The following CRYBG1 variants were observed in gnomAD, a reference collection of about 807,000 sequenced individuals.
CRYBG1 encodes the protein crystallin beta-gamma domain containing 1, also known as beta/gamma crystallin domain-containing protein 1.
A neutral mutation model predicts 189.2 loss-of-function variants in CRYBG1; 139 were observed. That is an observed-to-expected ratio of 0.73 (90% confidence interval 0.64 to 0.85). The LOEUF (loss-of-function observed/expected upper bound fraction) is 0.85. CRYBG1 is among the 40% of genes least tolerant of loss of function. CRYBG1 has a pLI of 0.00. For synonymous variants in CRYBG1, 1,023 were observed against 1,017.1 expected (o/e 1.01, Z -0.11); for missense variants, 2,611 against 2,675.8 (o/e 0.98, Z 0.53).
intron 11 of CRYBG1, among the ~76,000 whole-genome samples, 165 bp downstream of exon 11, chr6:106,543,762 C>G (rs1774194352): frequency 6.6e-6 from 1 of 152,014 alleles, no homozygotes; most frequent in Admixed American, 6.6e-5. Flanking sequence ...TTTAAGAAAG[C>G]AGTTTGAGGC....
intron 2 of CRYBG1, among the ~76,000 whole-genome samples, chr6:106,499,315 G>A (rs1772946183): frequency 7.2e-6 from 1 of 139,452 alleles, no homozygotes; most frequent in Non-Finnish European, 1.5e-5. Context: ...ACCACACCCG[G>A]CTAATTTTTT....
intron 1 of CRYBG1, among the ~76,000 whole-genome samples, chr6:106,439,533 A>G (rs1453487033): frequency 6.6e-6 from 1 of 152,224 alleles, no homozygotes; most frequent in Non-Finnish European, 1.5e-5. Context: ...AGGAATAAAA[A>G]TCTCCTGTGA....
At chr6:106,480,729 T>C (rs916354857) in intron 2 of CRYBG1, among the ~76,000 whole-genome samples, 6 of 151,336 alleles carry the variant, frequency 4.0e-5, no homozygotes, top group Non-Finnish European at 8.8e-5. Flanking sequence ...CCCAGCATGT[T>C]GGGAGGCTGA....
At chr6:106,494,514 A>G (rs1166297151) in intron 2 of CRYBG1, among the ~76,000 whole-genome samples, 1 of 152,208 alleles carries the variant, frequency 6.6e-6, no homozygotes. Context: ...TCATGATGAA[A>G]GAAAGAGGAG....
intron 1 of CRYBG1, among the ~76,000 whole-genome samples, chr6:106,434,093 G>T (rs780933333): frequency 6.6e-6 from 1 of 151,792 alleles, no homozygotes; most frequent in African/African-American, 2.4e-5. Flanking sequence ...TTATCAGAAG[G>T]CCTCAGTTCC....
Position 106,521,139 on chromosome 6 carries a change from G to A in CRYBG1, c.3931G>A (p.Val1311Ile), listed in dbSNP as rs1773598198. ...TCTTCTGCCCGACAACTCCTTAAAG[G>A]TCTTCAATTTCAACTCGTCAAGTAC... ...SNLLPDNSLK[V>I]FNFNSSSTSH... The change falls in exon 4 of 22, where the codon GTC becomes ATC. Residue 1311 changes from valine (V) to isoleucine (I), a missense_variant. Physicochemically the swap from Val to Ile is conservative, Grantham distance 29. Transcript: ENST00000633556. 2 of 1,613,942 alleles carry A rather than the reference G, an allele frequency of 1.2e-6. No homozygotes were observed. The highest frequency in any genetic ancestry group is 1.7e-6 in the Non-Finnish European group (2 of 1,180,028).
At chr6:106,495,246 C>G (rs955923299) in intron 2 of CRYBG1, among the ~76,000 whole-genome samples, 1 of 152,016 alleles carries the variant, frequency 6.6e-6, no homozygotes, top group Non-Finnish European at 1.5e-5. Context: ...GCAGCACTGC[C>G]GAAGGTGAGC....
At chr6:106,409,360 A>G (rs1045368627) in intron 1 of CRYBG1, among the ~76,000 whole-genome samples, 3 of 152,220 alleles carry the variant, frequency 2.0e-5, no homozygotes, top group African/African-American at 7.2e-5. Context: ...CCACTGCTCA[A>G]GGAAATAAGA....
At chr6:106,524,005 T>C (rs189424827) in intron 4 of CRYBG1, among the ~76,000 whole-genome samples, 2 of 152,134 alleles carry the variant, frequency 1.3e-5, no homozygotes, top group African/African-American at 2.4e-5. Context: ...GTGCTGGGAT[T>C]ACAGGTGTGA....
chr6:106,557,656 C>A (rs189983893), intron 17 of CRYBG1, among the ~76,000 whole-genome samples: 116 of 152,142 alleles, frequency 7.6e-4, no homozygotes, highest in African/African-American at 2.7e-3. Context: ...TGATCTCAAA[C>A]TCCTGACCTC....
chr6:106,568,419 A>C, intron 21 of CRYBG1, 53 bp from the exon 22 acceptor site: 1 of 1,399,300 alleles, frequency 7.1e-7, no homozygotes, highest in Non-Finnish European at 1.0e-6. Context: ...TGTGTCTGCT[A>C]TAGACCCTTC....
Position 106,512,593 on chromosome 6 carries a change from C to G in CRYBG1, c.1476C>G (p.Thr492=), listed in dbSNP as rs772497410. 1.2e-6 allele frequency: 2 copies of G among 1,604,762 alleles called. No individual in the cohort carries two copies. Among genetic ancestry groups the G allele is most frequent in the Non-Finnish European group, 1.7e-6 (2 of 1,176,438 alleles). Residue 492 remains threonine (T), a synonymous_variant, in exon 3 of 22, where the codon ACC becomes ACG. Coordinates refer to ENST00000633556, the MANE Select transcript of CRYBG1 (RefSeq NM_001371242.2). ...CAGAGTCCAAGCCCAGCCCCGGTAC[C>G]AAAGGGCAGCTCCGAGGGGAGTCGG... The part of the protein sequence containing the change: ...ASPESKPSPG[T]KGQLRGESDR...
chr6:106,387,458 G>A (rs955068217), intron 1 of CRYBG1, among the ~76,000 whole-genome samples: 13 of 152,266 alleles, frequency 8.5e-5, no homozygotes, highest in Admixed American at 5.9e-4. Context: ...ACTCACAGCC[G>A]ATTCCTACAG....
chr6:106,472,488 A>G (rs910054920), intron 2 of CRYBG1, among the ~76,000 whole-genome samples: 1 of 152,032 alleles, frequency 6.6e-6, no homozygotes, highest in Non-Finnish European at 1.5e-5. Context: ...TATTTTTTAA[A>G]AAACAGTACA....
intron 1 of CRYBG1, among the ~76,000 whole-genome samples, chr6:106,387,283 C>A (rs112977119): frequency 2.7e-5 from 4 of 147,596 alleles, no homozygotes. Context: ...AATCTTTGAA[C>A]TCTGAATGGA....
intron 1 of CRYBG1, among the ~76,000 whole-genome samples, chr6:106,377,642 TA>T (rs1770197343): frequency 2.1e-5 from 3 of 144,696 alleles, no homozygotes; most frequent in East Asian, 3.9e-4. Context: ...TATATATATA[TA>T]TATATTTTCA....
At chr6:106,476,516 C>T (rs111285900) in intron 2 of CRYBG1, among the ~76,000 whole-genome samples, 2 of 152,254 alleles carry the variant, frequency 1.3e-5, no homozygotes, top group African/African-American at 4.8e-5. Flanking sequence ...GGTTAAATTT[C>T]CTGGCAGCTA....
At chr6:106,392,870 G>C (rs963707024) in intron 1 of CRYBG1, among the ~76,000 whole-genome samples, 9 of 152,114 alleles carry the variant, frequency 5.9e-5, no homozygotes, top group South Asian at 2.1e-4. Context: ...CGCCTTCTGG[G>C]TTCAAGTGAT....
Position 106,512,616 on chromosome 6 carries a change from C to A in CRYBG1, c.1499C>A (p.Ser500Ter). 1 of 1,599,818 alleles carries A rather than the reference C, an allele frequency of 6.3e-7. No homozygotes were observed. The highest frequency in any genetic ancestry group is 8.5e-7 in the Non-Finnish European group (1 of 1,174,250). The change falls in exon 3 of 22, where the codon TCG becomes TAG. Residue 500 changes from serine (S) to a stop codon, truncating the protein, a stop_gained. Coordinates refer to ENST00000633556, the MANE Select transcript of CRYBG1 (RefSeq NM_001371242.2). LOFTEE classifies it high-confidence loss of function. The stretch of plus-strand genomic sequence containing the variant: ...ACCAAAGGGCAGCTCCGAGGGGAGT[C>A]GGACCGGAGCAAACAGCCACCCCCG... ...PGTKGQLRGE[S>*]DRSKQPPPAS...
Sources: gnomAD v4.1 joint callset for allele counts (sites outside exome capture counted in the v4.1 genomes callset) on GRCh38, gnomAD v4.1.1 for gene constraint, MANE v1.5 for transcripts, NCBI Gene and HGNC (gene_info 2026-07-23, HGNC 2026-07-21) for gene names.